RHOU: variants seen among roughly 807,000 people sequenced by gnomAD.
RHOU encodes rho-related GTP-binding protein RhoU.
RHOU carries 8 observed loss-of-function variants against 12.6 expected under a neutral mutation model. That is an observed-to-expected ratio of 0.64 (90% confidence interval 0.37 to 1.15). The LOEUF (loss-of-function observed/expected upper bound fraction) is 1.15. RHOU is among the 50% of genes most tolerant of loss of function. The pLI is 0.01. For synonymous variants in RHOU, 161 were observed against 147.4 expected (o/e 1.09, Z -0.67); for missense variants, 258 against 347.0 (o/e 0.74, Z 2.04).
upstream of RHOU, among the ~76,000 whole-genome samples, chr1:228,731,554 C>T (rs144467558): frequency 1.9e-3 from 289 of 152,254 alleles, 1 homozygote; most frequent in African/African-American, 6.7e-3. Flanking sequence ...TGAAGCTTAT[C>T]ACATTTTGAG....
chr1:228,739,500 T>A (rs980006437), intron 2 of RHOU, among the ~76,000 whole-genome samples: 1 of 151,980 alleles, frequency 6.6e-6, no homozygotes, highest in South Asian at 2.1e-4. Flanking sequence ...GAGGCGGAGG[T>A]TGCAGTGGGC....
At chr1:228,648,199 C>T in the RHOU span, among the ~76,000 whole-genome samples, 1 of 152,236 alleles carries the variant, frequency 6.6e-6, no homozygotes, top group African/African-American at 2.4e-5. Flanking sequence ...CACCGTTGCC[C>T]GCCGCCTTGC....
At chr1:228,647,643 G>A in the RHOU span, among the ~76,000 whole-genome samples, 1 of 152,186 alleles carries the variant, frequency 6.6e-6, no homozygotes, top group Non-Finnish European at 1.5e-5. Context: ...ATCCGGGAGC[G>A]GGAAGGCACC....
upstream of RHOU, among the ~76,000 whole-genome samples, chr1:228,733,568 A>G (rs1456197668): frequency 1.3e-5 from 2 of 152,126 alleles, no homozygotes; most frequent in African/African-American, 4.8e-5. Context: ...CAGCCCCCCA[A>G]AGTGTTGGGA....
the RHOU span, among the ~76,000 whole-genome samples, chr1:228,655,462 C>T: frequency 6.6e-6 from 1 of 152,076 alleles, no homozygotes; most frequent in African/African-American, 2.4e-5. Flanking sequence ...CAAATTTATG[C>T]AAAAGTGCAA....
At chr1:228,668,996 C>T in the RHOU span, among the ~76,000 whole-genome samples, 2 of 152,156 alleles carry the variant, frequency 1.3e-5, no homozygotes, top group Non-Finnish European at 2.9e-5. Context: ...GCAGGATGGG[C>T]CTTGATGGTG....
chr1:228,668,109 A>C, the RHOU span, among the ~76,000 whole-genome samples: 2 of 152,246 alleles, frequency 1.3e-5, no homozygotes, highest in African/African-American at 4.8e-5. Flanking sequence ...AAGCTCCATA[A>C]GACCCCAAAG....
At chr1:228,741,315 A>C (rs773549477) in intron 2 of RHOU, among the ~76,000 whole-genome samples, 6 of 152,206 alleles carry the variant, frequency 3.9e-5, no homozygotes, top group Non-Finnish European at 5.9e-5. Flanking sequence ...CAGGTCAGGC[A>C]CTGAGCAGGA....
the RHOU span, among the ~76,000 whole-genome samples, chr1:228,702,383 T>C: frequency 2.0e-5 from 3 of 152,110 alleles, no homozygotes; most frequent in Admixed American, 2.0e-4. Context: ...AAGACAGCTA[T>C]GAAGATGATG....
At chr1:228,677,180 G>A in the RHOU span, among the ~76,000 whole-genome samples, 1 of 151,974 alleles carries the variant, frequency 6.6e-6, no homozygotes, top group South Asian at 2.1e-4. Flanking sequence ...GGGGTAAGGG[G>A]TGATATTGTG....
the RHOU span, among the ~76,000 whole-genome samples, chr1:228,670,712 T>C: frequency 6.6e-6 from 1 of 152,206 alleles, no homozygotes; most frequent in Non-Finnish European, 1.5e-5. Flanking sequence ...TGATTCTCAG[T>C]GTTGGAGCAG....
chr1:228,712,577 G>A, the RHOU span, among the ~76,000 whole-genome samples: 9 of 146,902 alleles, frequency 6.1e-5, no homozygotes, highest in East Asian at 1.0e-3. Flanking sequence ...ACCAAAAACC[G>A]CATATTCTCA....
intron 1 of RHOU, 40 bp downstream of exon 1, chr1:228,736,044 G>A: frequency 1.3e-6 from 2 of 1,557,182 alleles, no homozygotes; most frequent in Non-Finnish European, 8.6e-7. Context: ...GCGCGTGGCC[G>A]CGGTCCACCC....
the RHOU span, among the ~76,000 whole-genome samples, chr1:228,706,052 C>G: frequency 6.6e-6 from 1 of 150,404 alleles, no homozygotes; most frequent in Non-Finnish European, 1.5e-5. Context: ...TTTCAAAAAA[C>G]AAAAAAAAAG....
chr1:228,652,929 A>G, the RHOU span, among the ~76,000 whole-genome samples: 1 of 152,190 alleles, frequency 6.6e-6, no homozygotes, highest in Non-Finnish European at 1.5e-5. Context: ...TTTTCTTCCT[A>G]CTAAGTACCT....
chr1:228,707,267 T>TATATATATATATATATA, the RHOU span, among the ~76,000 whole-genome samples: 1 of 107,562 alleles, frequency 9.3e-6, no homozygotes, highest in African/African-American at 4.3e-5. Flanking sequence ...TGTGTGTGTG[T>TATATATATATATATATA]GTGTGTGTGT....
chr1:228,707,132 A>ATATG, the RHOU span, among the ~76,000 whole-genome samples: 358 of 120,368 alleles, frequency 3.0e-3, 8 homozygotes, highest in Non-Finnish European at 4.3e-3. Context: ...ATATACATAT[A>ATATG]TATATATATA....
chr1:228,647,096 G>T, the RHOU span, among the ~76,000 whole-genome samples: 1 of 152,200 alleles, frequency 6.6e-6, no homozygotes, highest in African/African-American at 2.4e-5. Context: ...CCCTACTTCG[G>T]TAGGCAGCCC....
chr1:228,690,059 TCCCCC>T, the RHOU span, among the ~76,000 whole-genome samples: 4 of 152,192 alleles, frequency 2.6e-5, 1 homozygote, highest in South Asian at 2.1e-4. Flanking sequence ...ATGTGTCCTT[TCCCCC>T]AAACAATACA....
Sources: gnomAD v4.1 joint callset for allele counts (sites outside exome capture counted in the v4.1 genomes callset) on GRCh38, gnomAD v4.1.1 for gene constraint, MANE v1.5 for transcripts, NCBI Gene and HGNC (gene_info 2026-07-23, HGNC 2026-07-21) for gene names.